PAG1: variants seen among roughly 807,000 people sequenced by gnomAD.
PAG1 encodes the protein phosphoprotein associated with glycosphingolipid-enriched microdomains 1.
In PAG1, 23 loss-of-function variants were observed where a neutral mutation model predicts 31.7. The ratio of observed to expected loss-of-function variants is 0.73; its 90% confidence interval spans 0.52 to 1.03. PAG1 has a LOEUF of 1.03. Among genes scored for constraint, PAG1 ranks in the 50% least tolerant of loss-of-function variants. The pLI is 0.00. For missense variants in PAG1, 473 were observed against 540.7 expected (o/e 0.87, Z 1.24); for synonymous variants, 214 against 210.3 (o/e 1.02, Z -0.15).
chr8:81,103,601 T>C (rs1809644301), intron 1 of PAG1, among the ~76,000 whole-genome samples: 1 of 152,228 alleles, frequency 6.6e-6, no homozygotes, highest in South Asian at 2.1e-4. Context: ...AGTTAGTCTA[T>C]AATATAATGT....
At position 80,968,941 on chromosome 8, in the gene PAG1, CT is replaced by C. The variant is rs754748896; in HGVS notation, c.*7602del. On this transcript the variant is annotated 3_prime_UTR_variant, in exon 9 of 9. Coordinates refer to ENST00000220597, the MANE Select transcript of PAG1 (RefSeq NM_018440.4). ...CAGCAAGTCTGAATTTTGCTCTCAT[CT>C]CTGCTCCCTTCGCCCCACTAGAGTC... 2 of 152,184 alleles carry C rather than the reference CT, an allele frequency of 1.3e-5. No homozygotes were observed. Among genetic ancestry groups the C allele is most frequent in the African/African-American group, 2.4e-5 (1 of 41,446 alleles). 9.4% of individuals were successfully genotyped at this position (152,184 alleles called of 1,614,324 possible).
chr8:81,054,982 G>A (rs1808792135), intron 2 of PAG1, among the ~76,000 whole-genome samples: 1 of 152,036 alleles, frequency 6.6e-6, no homozygotes. Flanking sequence ...TTATAACCTT[G>A]AGGCACATCA....
At chr8:81,050,823 T>A (rs1005882643) in intron 2 of PAG1, among the ~76,000 whole-genome samples, 11 of 152,186 alleles carry the variant, frequency 7.2e-5, no homozygotes, top group African/African-American at 2.7e-4. Flanking sequence ...TCCTGCTGCA[T>A]GAGCTGGCAG....
chr8:81,006,176 CA>C (rs777654845), intron 3 of PAG1, among the ~76,000 whole-genome samples: 9 of 152,244 alleles, frequency 5.9e-5, no homozygotes, highest in Non-Finnish European at 1.2e-4. Flanking sequence ...CTCCTGACCT[CA>C]AGTGATCTGC....
At chr8:81,107,286 G>A (rs1308412840) in intron 1 of PAG1, among the ~76,000 whole-genome samples, 2 of 152,144 alleles carry the variant, frequency 1.3e-5, no homozygotes, top group Non-Finnish European at 2.9e-5. Flanking sequence ...TGGCTAAGAA[G>A]GTAGGCATGT....
At chr8:81,067,157 C>T (rs1464845141) in intron 2 of PAG1, among the ~76,000 whole-genome samples, 1 of 152,050 alleles carries the variant, frequency 6.6e-6, no homozygotes, top group Non-Finnish European at 1.5e-5. Context: ...TAAAAGCAAA[C>T]AAAACCAAAA....
At chr8:81,086,184 T>C (rs1809353396) in intron 1 of PAG1, among the ~76,000 whole-genome samples, 1 of 151,486 alleles carries the variant, frequency 6.6e-6, no homozygotes. Flanking sequence ...GGTTTCACCA[T>C]GTTAGCCAGG....
At chr8:81,036,263 A>G (rs1808460600) in intron 2 of PAG1, among the ~76,000 whole-genome samples, 1 of 152,238 alleles carries the variant, frequency 6.6e-6, no homozygotes, top group Admixed American at 6.5e-5. Flanking sequence ...CTCTTCAGGA[A>G]GAGAGCAATT....
At chr8:81,007,587 A>C (rs976366420) in intron 3 of PAG1, among the ~76,000 whole-genome samples, 1 of 134,588 alleles carries the variant, frequency 7.4e-6, no homozygotes, top group African/African-American at 2.7e-5. Flanking sequence ...CAGTGAGCTG[A>C]GATCGTGCCA....
At chr8:80,998,017 G>A (rs1807715094) in intron 3 of PAG1, among the ~76,000 whole-genome samples, 2 of 151,890 alleles carry the variant, frequency 1.3e-5, no homozygotes, top group South Asian at 4.2e-4. Flanking sequence ...AATTATTTTG[G>A]ACTAAAAGGT....
intron 2 of PAG1, among the ~76,000 whole-genome samples, chr8:81,050,883 T>G (rs1032588929): frequency 2.6e-5 from 4 of 152,216 alleles, no homozygotes; most frequent in Non-Finnish European, 5.9e-5. Context: ...ACTCACTGCC[T>G]TCAGCCTCCC....
At chr8:81,101,189 C>G (rs1008721995) in intron 1 of PAG1, among the ~76,000 whole-genome samples, 5 of 152,096 alleles carry the variant, frequency 3.3e-5, no homozygotes, top group African/African-American at 1.2e-4. Flanking sequence ...TATCTCAGCC[C>G]CAAGACTAAA....
Position 81,048,742 on chromosome 8 carries a change from TA to T in PAG1, c.-174-18654del, listed in dbSNP as rs1808680674. 3.3e-5 allele frequency among the ~76,000 whole-genome samples: 5 copies of T among 152,344 alleles called. No homozygotes were observed. In the South Asian group the frequency reaches 1.0e-3, roughly 32 times the overall value. ...ACATCAACGACGCTAGCATCATTCG[TA>T]TATATAAATGTACATACATTTATTA... On this transcript the variant is annotated intron_variant, in intron 2 of 8. Coordinates refer to ENST00000220597, the MANE Select transcript of PAG1 (RefSeq NM_018440.4).
chr8:81,081,174 CAG>C (rs1809260173), intron 1 of PAG1, among the ~76,000 whole-genome samples: 1 of 151,598 alleles, frequency 6.6e-6, no homozygotes, highest in Non-Finnish European at 1.5e-5. Context: ...ATTGATAAAA[CAG>C]AATCCCTTGC....
rs144506732 is a variant in PAG1 at position 81,026,157 on chromosome 8, T to G, written c.-81+3839A>C. ...TAAAGTTTAATACTTGCAAAGTGCT[T>G]AGACCAGTGCTTGCCTCGCTGTAGG... On this transcript the variant is annotated intron_variant, in intron 3 of 8. Transcript: ENST00000220597. 4.1e-4 allele frequency among the ~76,000 whole-genome samples: 63 copies of G among 152,198 alleles called. No homozygotes were observed. The East Asian group carries it at 0.012, about 28-fold the overall frequency.
chr8:81,020,226 A>G (rs116015083), intron 3 of PAG1, among the ~76,000 whole-genome samples: 202 of 152,284 alleles, frequency 1.3e-3, no homozygotes, highest in African/African-American at 4.6e-3. Context: ...AGGACTGTGG[A>G]CTTTTGAGGT....
rs898152590 is a variant in PAG1 at position 81,042,059 on chromosome 8, A to G, written c.-174-11970T>C. 5.3e-5 allele frequency among the ~76,000 whole-genome samples: 8 copies of G among 152,336 alleles called. 1 individual carries two copies. Among genetic ancestry groups the G allele is most frequent in the Admixed American group, 3.3e-4 (5 of 15,306 alleles). On this transcript the variant is annotated intron_variant, in intron 2 of 8. Transcript: ENST00000220597. ...ATAAATAAATGACATAGATTAGTAT[A>G]CTTTGCTAACTTCTGTGATTCTTCA... is the stretch of plus-strand genomic sequence containing the variant.
At chr8:80,991,033 A>C (rs996449714) in intron 5 of PAG1, among the ~76,000 whole-genome samples, 1 of 152,126 alleles carries the variant, frequency 6.6e-6, no homozygotes, top group African/African-American at 2.4e-5. Context: ...TAGGAAGATG[A>C]AGGCAGAATT....
intron 7 of PAG1, among the ~76,000 whole-genome samples, chr8:80,981,486 C>A (rs940327666): frequency 6.6e-6 from 1 of 152,110 alleles, no homozygotes; most frequent in Admixed American, 6.5e-5. Flanking sequence ...GCATCTTCTC[C>A]TCTTCTCCCC....
Sources: gnomAD v4.1 joint callset for allele counts (sites outside exome capture counted in the v4.1 genomes callset) on GRCh38, gnomAD v4.1.1 for gene constraint, MANE v1.5 for transcripts, NCBI Gene and HGNC (gene_info 2026-07-23, HGNC 2026-07-21) for gene names.